Variants in CENPE observed in about 807,000 individuals in gnomAD.
CENPE encodes centromere protein E.
In CENPE, 145 loss-of-function variants were observed where a neutral mutation model predicts 336.1. The ratio of observed to expected loss-of-function variants is 0.43; its 90% confidence interval spans 0.38 to 0.50. The LOEUF (loss-of-function observed/expected upper bound fraction) is 0.50, where lower values mean the gene tolerates loss of function less well. Among genes scored for constraint, CENPE ranks in the 20% least tolerant of loss-of-function variants. CENPE has a pLI of 0.00. For synonymous variants in CENPE, 1,013 were observed against 984.8 expected (o/e 1.03, Z -0.54); for missense variants, 2,719 against 3,023.3 (o/e 0.90, Z 2.36).
Position 103,153,150 on chromosome 4 carries a change from A to C in CENPE, c.3134T>G (p.Ile1045Arg). 1 of 1,612,002 alleles carries C rather than the reference A, an allele frequency of 6.2e-7. No homozygotes were observed. Among genetic ancestry groups the C allele is most frequent in the Non-Finnish European group, 8.5e-7 (1 of 1,178,486 alleles). The stretch of plus-strand genomic sequence containing the variant: ...ATTTTTCTCCTGTATTAAAGAAAAT[A>C]TCTTCCTTTGTTGCTCAATTATCTC... The part of the protein sequence containing the change: ...DNEIIEQQRK[I>R]FSLIQEKNEL... The change falls in exon 25 of 49, where the codon ATA becomes AGA. Residue 1045 changes from isoleucine to arginine, a missense_variant. Ile to Arg is a moderately conservative substitution (Grantham distance 97). Transcript: ENST00000265148.
At chr4:103,187,235 A>G (rs189120122) in intron 8 of CENPE, among the ~76,000 whole-genome samples, 10 of 152,292 alleles carry the variant, frequency 6.6e-5, no homozygotes, top group Admixed American at 5.9e-4. Flanking sequence ...GTCTTTTCAC[A>G]TAGTCCCATA....
At chr4:103,119,125 T>C (rs1750389819) in intron 44 of CENPE, among the ~76,000 whole-genome samples, 1 of 152,158 alleles carries the variant, frequency 6.6e-6, no homozygotes, top group Non-Finnish European at 1.5e-5. Flanking sequence ...TCTGGCTTAA[T>C]TTTTTCCATT....
Position 103,122,989 on chromosome 4 carries a change from A to G in CENPE, c.7025T>C (p.Leu2342Pro). 1 of 1,613,826 alleles carries G rather than the reference A, an allele frequency of 6.2e-7. No homozygotes were observed. Among genetic ancestry groups the G allele is most frequent in the Non-Finnish European group, 8.5e-7 (1 of 1,179,792 alleles). Residue 2342 changes from leucine (L) to proline (P), a missense_variant, in exon 43 of 49, where the codon CTA becomes CCA. Leu to Pro is a moderately conservative substitution (Grantham distance 98, BLOSUM62 -3). Around this residue, in one of 5 missense-constraint regions of CENPE, gnomAD observed 2,437 missense variants for 2,513.3 expected, o/e 0.97. Coordinates refer to ENST00000265148, the MANE Select transcript of CENPE (RefSeq NM_001813.3). ...LKSLKEKNEK[L>P]FKNYQTLKTS... ...CTTCAATGTTTGGTAGTTTTTAAAT[A>G]GTTTTTCATTTTTCTCTTTCAGTGA...
chr4:103,130,911 G>GA (rs59305096), intron 42 of CENPE, among the ~76,000 whole-genome samples: 7,540 of 106,486 alleles, frequency 0.071, 764 homozygotes, highest in African/African-American at 0.22. Flanking sequence ...TTCTACAAGC[G>GA]AAAAAAAAAA....
Position 103,115,981 on chromosome 4 carries a change from T to C in CENPE, c.7442+596A>G, listed in dbSNP as rs2125851611. On this transcript the variant is annotated intron_variant, in intron 45 of 48. Transcript: ENST00000265148. ...CTCCTGACCTCGTGATTTGCCCGTG[T>C]AGCCCTCCCAAAGTGCTGGGATTGA... Among the ~76,000 whole-genome samples, 3 of 152,282 alleles carry C rather than the reference T, an allele frequency of 2.0e-5. No homozygotes were observed. The Middle Eastern group carries it at 0.01, about 518-fold the overall frequency.
rs1275501652 is a variant in CENPE at position 103,163,174 on chromosome 4, T to C, written c.1805A>G (p.Lys602Arg). The change falls in exon 18 of 49, where the codon AAG (lysine) becomes AGG (arginine). Residue 602 changes from lysine to arginine, a missense_variant. Transcript: ENST00000265148. ...CAAGTCCATTTTTATATTTTCTAGC[T>C]TTTGAGAGTCTATGTATTCCTGTAG... is the stretch of plus-strand genomic sequence containing the variant. ...KKLQEYIDSQ[K>R]LENIKMDLSY... 1 of 1,610,696 alleles carries C rather than the reference T, an allele frequency of 6.2e-7. No individual in the cohort carries two copies. The highest frequency in any genetic ancestry group is 1.1e-5 in the South Asian group (1 of 90,824).
intron 40 of CENPE, 28 bp from the exon 41 acceptor site, chr4:103,133,920 T>C: frequency 6.9e-7 from 1 of 1,450,224 alleles, no homozygotes; most frequent in South Asian, 1.2e-5. Flanking sequence ...AACAAATTGG[T>C]AAATGAAAAT....
intron 36 of CENPE, 48 bp from the exon 37 acceptor site, chr4:103,140,462 T>C: frequency 8.0e-7 from 1 of 1,257,828 alleles, no homozygotes; most frequent in East Asian, 2.4e-5. Flanking sequence ...AAAGGCACGT[T>C]ACCTTTACTT....
At chr4:103,127,098 A>T (rs58786870) in intron 42 of CENPE, among the ~76,000 whole-genome samples, 5,894 of 94,748 alleles carry the variant, frequency 0.062, 350 homozygotes, top group African/African-American at 0.19. Flanking sequence ...GGACAAATAT[A>T]AAAAAAAAAA....
chr4:103,157,147 A>C (rs1183605884), intron 24 of CENPE, among the ~76,000 whole-genome samples: 1 of 151,972 alleles, frequency 6.6e-6, no homozygotes, highest in Non-Finnish European at 1.5e-5. Context: ...GTGGGAAGTA[A>C]AATGGTGCAG....
intron 8 of CENPE, among the ~76,000 whole-genome samples, chr4:103,191,935 G>A (rs1303937734): frequency 4.6e-5 from 7 of 152,040 alleles, no homozygotes. Flanking sequence ...AGCAGCTGCA[G>A]GCAGCCCCAT....
chr4:103,129,203 GAAATGGAGTCAGTAATTA>G (rs1212947991), intron 42 of CENPE, among the ~76,000 whole-genome samples: 2 of 152,126 alleles, frequency 1.3e-5, no homozygotes, highest in African/African-American at 4.8e-5. Flanking sequence ...ATCTATCAAA[GAAATGGAGTCAGTAATTA>G]AAAACTTTCC....
At chr4:103,119,243 T>G (rs1164335133) in intron 44 of CENPE, among the ~76,000 whole-genome samples, 1 of 152,184 alleles carries the variant, frequency 6.6e-6, no homozygotes, top group East Asian at 1.9e-4. Flanking sequence ...CTCCTTCAAC[T>G]AGAATGTAAG....
Position 103,146,055 on chromosome 4 carries a change from T to C in CENPE, c.4187A>G (p.Asp1396Gly). 6.2e-7 allele frequency: 1 copy of C among 1,613,896 alleles called. No individual in the cohort carries two copies. The highest frequency in any genetic ancestry group is 8.5e-7 in the Non-Finnish European group (1 of 1,179,894). ...QEQSLNMKEK[D>G]NETTKIVSEM... Reference sequence around the variant, plus strand: ...ACTCACGATTTTGGTAGTTTCATTGTCTTTTTCTTTCATATTTAAGGACTG... The same window carrying C: ...ACTCACGATTTTGGTAGTTTCATTGCCTTTTTCTTTCATATTTAAGGACTG... Residue 1396 changes from aspartate to glycine, a missense_variant, in exon 30 of 49, where the codon GAC becomes GGC. This residue lies in a region of CENPE where 2,437 missense variants were observed against 2,513.3 expected (regional missense o/e 0.97). Transcript: ENST00000265148.
At chr4:103,194,156 C>G in intron 8 of CENPE, 73 bp downstream of exon 8, 1 of 1,155,098 alleles carries the variant, frequency 8.7e-7, no homozygotes, top group Non-Finnish European at 1.3e-6. Flanking sequence ...TCTTATTAAA[C>G]CAAACATCCA....
chr4:103,149,138 T>C lies in CENPE; in HGVS notation c.3667A>G (p.Ile1223Val), dbSNP rs1210057646. 2 of 1,595,300 alleles carry C rather than the reference T, an allele frequency of 1.3e-6. No homozygotes were observed. Among genetic ancestry groups the C allele is most frequent in the South Asian group, 1.1e-5 (1 of 87,642 alleles). The stretch of plus-strand genomic sequence containing the variant: ...CTTACTGTAGCTTCAATTTCTCTTA[T>C]ATATCCTCTAAGGTGGTCTCTCTCT... ...ETERDHLRGY[I>V]REIEATGLQT... The change falls in exon 27 of 49, where the codon ATA (isoleucine) becomes GTA (valine). Residue 1223 changes from isoleucine to valine, a missense_variant. Ile to Val is a conservative substitution (Grantham distance 29, BLOSUM62 3). Around this residue, in one of 5 missense-constraint regions of CENPE, gnomAD observed 2,437 missense variants for 2,513.3 expected, o/e 0.97. Transcript: ENST00000265148.
intron 18 of CENPE, among the ~76,000 whole-genome samples, chr4:103,162,135 C>T (rs1254938947): frequency 2.6e-5 from 4 of 152,096 alleles, no homozygotes; most frequent in African/African-American, 7.2e-5. Context: ...CATAAAAGTG[C>T]CTTCCTATCC....
At chr4:103,140,185 C>G in intron 37 of CENPE, 71 bp downstream of exon 37, 1 of 1,476,810 alleles carries the variant, frequency 6.8e-7, no homozygotes, top group Non-Finnish European at 9.2e-7. Flanking sequence ...ATATCTGTAT[C>G]TATATCTTTT....
At chr4:103,118,656 T>G (rs1174703309) in intron 44 of CENPE, among the ~76,000 whole-genome samples, 1 of 152,238 alleles carries the variant, frequency 6.6e-6, no homozygotes, top group East Asian at 1.9e-4. Context: ...AGTTTTCTAG[T>G]TTTGCATTTT....
Sources: allele counts gnomAD v4.1 joint callset (sites outside exome capture counted in the v4.1 genomes callset), GRCh38; gene constraint gnomAD v4.1.1; regional missense constraint gnomAD v4.1.1; transcripts MANE v1.5; gene names NCBI Gene and HGNC (gene_info 2026-07-23, HGNC 2026-07-21).